SLC8A1: variants seen among roughly 807,000 people sequenced by gnomAD.
SLC8A1 encodes solute carrier family 8 member A1.
SLC8A1 carries 18 observed loss-of-function variants against 68.3 expected under a neutral mutation model. The ratio of observed to expected loss-of-function variants is 0.26; its 90% CI spans 0.18 to 0.39. SLC8A1 has a LOEUF of 0.39. SLC8A1 is among the 10% of genes least tolerant of loss of function. The pLI, the probability that SLC8A1 is intolerant of heterozygous loss-of-function variation, is 1.00. For synonymous variants in SLC8A1, 475 were observed against 415.5 expected (o/e 1.14, Z -1.74); for missense variants, 985 against 1,156.7 (o/e 0.85, Z 2.15).
At chr2:40,280,001 A>G (rs113120330) in intron 2 of SLC8A1, among the ~76,000 whole-genome samples, 2,981 of 152,258 alleles carry the variant, frequency 0.02, 49 homozygotes, top group Middle Eastern at 0.068. Flanking sequence ...GTATTGGCAG[A>G]CCATGTAGAT....
intron 2 of SLC8A1, among the ~76,000 whole-genome samples, chr2:40,197,888 G>GA (rs1260261421): frequency 6.6e-6 from 1 of 152,132 alleles, no homozygotes; most frequent in South Asian, 2.1e-4. Flanking sequence ...CAAAGCTCCA[G>GA]GGAAGAATGA....
intron 1 of SLC8A1, among the ~76,000 whole-genome samples, chr2:40,486,129 C>G (rs375110672): frequency 5.3e-5 from 8 of 152,250 alleles, no homozygotes; most frequent in African/African-American, 7.2e-5. Flanking sequence ...GGCTTTCCCC[C>G]CTTTGCTCAG....
At chr2:40,324,069 G>C (rs1179858606) in intron 2 of SLC8A1, among the ~76,000 whole-genome samples, 2 of 151,808 alleles carry the variant, frequency 1.3e-5, no homozygotes, top group African/African-American at 4.8e-5. Context: ...TGTAAACCAA[G>C]ATTGTCTCAT....
At chr2:40,499,940 C>A (rs1705946613) in intron 1 of SLC8A1, among the ~76,000 whole-genome samples, 1 of 151,930 alleles carries the variant, frequency 6.6e-6, no homozygotes, top group Non-Finnish European at 1.5e-5. Context: ...AAGCACAAAG[C>A]AAATATTTGA....
chr2:40,285,427 T>G (rs1372478494), intron 2 of SLC8A1, among the ~76,000 whole-genome samples: 1 of 152,178 alleles, frequency 6.6e-6, no homozygotes, highest in Non-Finnish European at 1.5e-5. Flanking sequence ...TGTTTTCTTT[T>G]TTTGTTGTTT....
chr2:40,181,580 A>T (rs934966663), intron 2 of SLC8A1, among the ~76,000 whole-genome samples: 10 of 152,238 alleles, frequency 6.6e-5, no homozygotes, highest in African/African-American at 1.4e-4. Flanking sequence ...ACTAAATTAT[A>T]TATTGATTTC....
chr2:40,181,402 G>C (rs1274707250), intron 2 of SLC8A1, among the ~76,000 whole-genome samples: 1 of 152,152 alleles, frequency 6.6e-6, no homozygotes, highest in African/African-American at 2.4e-5. Context: ...AGAAAATTTT[G>C]AAGTACTTGA....
At chr2:40,256,954 C>G (rs1409675294) in intron 2 of SLC8A1, among the ~76,000 whole-genome samples, 9 of 152,102 alleles carry the variant, frequency 5.9e-5, no homozygotes, top group Non-Finnish European at 1.2e-4. Context: ...CCATCAGCAA[C>G]TCAGCCCCAA....
chr2:40,206,781 C>T (rs2162878), intron 2 of SLC8A1, among the ~76,000 whole-genome samples: 3 of 151,986 alleles, frequency 2.0e-5, no homozygotes, highest in African/African-American at 4.8e-5. Context: ...AGATATGTTT[C>T]TGAACCAGGA....
chr2:40,418,530 CCT>C (rs1694555114), intron 2 of SLC8A1, among the ~76,000 whole-genome samples: 1 of 152,156 alleles, frequency 6.6e-6, no homozygotes, highest in East Asian at 1.9e-4. Flanking sequence ...AAGCACTGAG[CCT>C]CAGCTCATCA....
At chr2:40,461,252 C>G (rs1703322839) in intron 1 of SLC8A1, among the ~76,000 whole-genome samples, 1 of 152,122 alleles carries the variant, frequency 6.6e-6, no homozygotes. Flanking sequence ...TGCTAGTCTG[C>G]TGTACCAGGC....
upstream of SLC8A1, among the ~76,000 whole-genome samples, chr2:40,453,936 C>A (rs1702833383): frequency 6.6e-6 from 1 of 152,140 alleles, no homozygotes; most frequent in Non-Finnish European, 1.5e-5. Flanking sequence ...TTGCAGGAAT[C>A]GTTCTTGCCT....
At chr2:40,228,001 G>C (rs1007964939) in intron 2 of SLC8A1, among the ~76,000 whole-genome samples, 2 of 152,122 alleles carry the variant, frequency 1.3e-5, no homozygotes, top group Non-Finnish European at 2.9e-5. Flanking sequence ...ATACCCACAA[G>C]TGGAAATGTA....
chr2:40,359,086 G>C (rs1349930102), intron 2 of SLC8A1, among the ~76,000 whole-genome samples: 5 of 152,144 alleles, frequency 3.3e-5, no homozygotes, highest in African/African-American at 4.8e-5. Context: ...CAGAAAAGAA[G>C]TGAAAGTGAA....
chr2:40,354,501 G>T (rs1436804639), intron 2 of SLC8A1, among the ~76,000 whole-genome samples: 1 of 152,140 alleles, frequency 6.6e-6, no homozygotes, highest in Admixed American at 6.5e-5. Flanking sequence ...ATGGAGCAAA[G>T]GACCTAGAAG....
At chr2:40,238,930 T>C (rs2060825900) in intron 2 of SLC8A1, among the ~76,000 whole-genome samples, 2 of 152,134 alleles carry the variant, frequency 1.3e-5, no homozygotes, top group South Asian at 4.1e-4. Context: ...TAAATGAACA[T>C]ATGTATATAT....
At chr2:40,397,534 C>A (rs1251308007) in intron 2 of SLC8A1, among the ~76,000 whole-genome samples, 3 of 152,160 alleles carry the variant, frequency 2.0e-5, no homozygotes, top group African/African-American at 7.2e-5. Context: ...ACCATCTACG[C>A]ACTTGAAAGT....
intron 2 of SLC8A1, among the ~76,000 whole-genome samples, chr2:40,379,006 G>A (rs962110563): frequency 2.6e-5 from 4 of 152,084 alleles, no homozygotes; most frequent in Admixed American, 6.6e-5. Flanking sequence ...AGACTGGAAT[G>A]TTCACCCCAT....
chr2:40,245,281 C>G (rs1313622087), intron 2 of SLC8A1, among the ~76,000 whole-genome samples: 1 of 114,340 alleles, frequency 8.7e-6, no homozygotes, highest in Non-Finnish European at 1.8e-5. Flanking sequence ...GTTTGGGAGC[C>G]TATACCGGAT....
Sources: gnomAD v4.1 joint callset for allele counts (sites outside exome capture counted in the v4.1 genomes callset) on GRCh38, gnomAD v4.1.1 for gene constraint, MANE v1.5 for transcripts, NCBI Gene and HGNC (gene_info 2026-07-23, HGNC 2026-07-21) for gene names.